OGFOD1: variants seen among roughly 807,000 people sequenced by gnomAD.
OGFOD1 encodes the protein prolyl 3-hydroxylase OGFOD1.
In OGFOD1, 54 loss-of-function variants were observed where a neutral mutation model predicts 67.7. That is an observed-to-expected ratio of 0.80 (90% confidence interval 0.64 to 1.00). OGFOD1 has a LOEUF of 1.00. OGFOD1 is among the 50% of genes least tolerant of loss of function. OGFOD1 has a pLI of 0.00. For missense variants in OGFOD1, 606 were observed against 646.7 expected (o/e 0.94, Z 0.68); for synonymous variants, 221 against 227.0 (o/e 0.97, Z 0.24).
At position 56,466,868 on chromosome 16, in the gene OGFOD1, T is replaced by C. The variant is rs374350905; in HGVS notation, c.566-8T>C. ...GATAATTTATTGATGTGTTCTTTCC[T>C]GGTGCAGAACACTTTCAGCCGAAGC... On this transcript the variant is annotated splice_polypyrimidine_tract_variant and splice_region_variant and intron_variant, in intron 5 of 12. Coordinates refer to ENST00000566157, the MANE Select transcript of OGFOD1 (RefSeq NM_018233.4). 1.9e-6 allele frequency: 3 copies of C among 1,597,822 alleles called. No homozygotes were observed. Among genetic ancestry groups the C allele is most frequent in the East Asian group, 2.2e-5 (1 of 44,800 alleles).
intron 10 of OGFOD1, among the ~76,000 whole-genome samples, chr16:56,473,968 A>C (rs573396143): frequency 6.6e-6 from 1 of 152,124 alleles, no homozygotes; most frequent in Admixed American, 6.5e-5. Context: ...CACCATGCTC[A>C]GCTAATATTT....
Position 56,476,422 on chromosome 16 carries a change from T to A in OGFOD1, c.*217T>A. On this transcript the variant is annotated 3_prime_UTR_variant, in exon 13 of 13. Coordinates refer to ENST00000566157, the MANE Select transcript of OGFOD1 (RefSeq NM_018233.4). ...TCTTGATTAAAAAAAAAAAGTTGGC[T>A]TTTTTTTTTTTAACATTTAGTCCTT... 3 of 168,398 alleles carry A rather than the reference T, an allele frequency of 1.8e-5. No homozygotes were observed. The highest frequency in any genetic ancestry group is 2.4e-5 in the Non-Finnish European group (2 of 82,912). The allele number at this position is 168,398 out of a possible 1,614,324, so 10.4% of individuals were successfully genotyped here. A position where few individuals can be genotyped will look rare whatever the true frequency, so the allele number is the denominator to read the frequency against.
intron 1 of OGFOD1, among the ~76,000 whole-genome samples, chr16:56,452,360 G>A (rs568907716): frequency 1.3e-5 from 2 of 152,266 alleles, no homozygotes; most frequent in East Asian, 3.9e-4. Context: ...TCGTCTCTAC[G>A]CGCCTGTAGT....
chr16:56,475,456 C>T (rs374019753), intron 11 of OGFOD1, 51 bp from the exon 12 acceptor site: 22 of 1,528,020 alleles, frequency 1.4e-5, no homozygotes, highest in African/African-American at 2.7e-5. Context: ...GTAGATGGTG[C>T]GACTCTTTCA....
At chr16:56,456,242 C>T (rs1482079759) in intron 2 of OGFOD1, among the ~76,000 whole-genome samples, 2 of 152,166 alleles carry the variant, frequency 1.3e-5, no homozygotes, top group Non-Finnish European at 2.9e-5. Flanking sequence ...TCTTCTTCCT[C>T]AGTGGCTATT....
chr16:56,469,922 G>T, intron 8 of OGFOD1, 81 bp from the exon 9 acceptor site: 2 of 1,018,828 alleles, frequency 2.0e-6, no homozygotes, highest in Non-Finnish European at 1.5e-6. Flanking sequence ...ATTGATGTTT[G>T]GCAGAGCTGC....
chr16:56,451,562 AG>A lies in OGFOD1; in HGVS notation c.-49del, dbSNP rs780497422. The A allele has an allele frequency of 2.9e-5, 46 of 1,601,566 alleles. No individual in the cohort carries two copies. The African/African-American group carries it at 5.9e-4, about 20-fold the overall frequency. Reference sequence around the variant, plus strand: ...ACATGCCGGGAGTTGCAGTACCCTCAGGAAGGTAGCGTCTTGATCTGCGTGG... The same window carrying A: ...ACATGCCGGGAGTTGCAGTACCCTCAGAAGGTAGCGTCTTGATCTGCGTGG... On this transcript the variant is annotated 5_prime_UTR_variant, in exon 1 of 13. Coordinates refer to ENST00000566157, the MANE Select transcript of OGFOD1 (RefSeq NM_018233.4).
At chr16:56,474,396 C>T (rs118121724) in intron 10 of OGFOD1, among the ~76,000 whole-genome samples, 8,569 of 149,232 alleles carry the variant, frequency 0.057, 342 homozygotes, top group Non-Finnish European at 0.083. Context: ...TCTCGGCTTA[C>T]CACAACCTCT....
At position 56,467,133 on chromosome 16, in the gene OGFOD1, G is replaced by A. The variant is rs141403576; in HGVS notation, c.658-32G>A. The A allele has an allele frequency of 7.3e-3, 11,825 of 1,613,798 alleles. 65 individuals carry two copies. Among genetic ancestry groups the A allele is most frequent in the Middle Eastern group, 0.012 (70 of 6,058 alleles). Reference sequence around the variant, plus strand: ...ATTGGCGGTAATCCCCCTATTCTTCGTGTTGATGTGCTACTGGGCTTCTCC... The same window carrying A: ...ATTGGCGGTAATCCCCCTATTCTTCATGTTGATGTGCTACTGGGCTTCTCC... On this transcript the variant is annotated intron_variant, in intron 6 of 12. Transcript: ENST00000566157.
At chr16:56,455,167 A>G (rs1962482957) in intron 2 of OGFOD1, among the ~76,000 whole-genome samples, 1 of 152,210 alleles carries the variant, frequency 6.6e-6, no homozygotes, top group Non-Finnish European at 1.5e-5. Context: ...GGAGATGGAG[A>G]CCATCCTGGC....
intron 3 of OGFOD1, among the ~76,000 whole-genome samples, chr16:56,459,519 A>G (rs1476886730): frequency 6.6e-6 from 1 of 152,236 alleles, no homozygotes; most frequent in East Asian, 1.9e-4. Context: ...ACCATTAAAT[A>G]TGATATACAT....
chr16:56,469,982 CTTT>C lies in OGFOD1; in HGVS notation c.901-20_901-18del. On this transcript the variant is annotated intron_variant, in intron 8 of 12. Transcript: ENST00000566157. The stretch of plus-strand genomic sequence containing the variant: ...TAATAGGGAGATCTGCTGAATGCTT[CTTT>C]ATTTGCTCATTTTCTAGCCTGAGAA... 6.3e-7 allele frequency: 1 copy of C among 1,593,200 alleles called. No individual in the cohort carries two copies. Among genetic ancestry groups the C allele is most frequent in the Non-Finnish European group, 8.6e-7 (1 of 1,163,360 alleles).
At chr16:56,455,915 A>C (rs1458271201) in intron 2 of OGFOD1, among the ~76,000 whole-genome samples, 1 of 152,158 alleles carries the variant, frequency 6.6e-6, no homozygotes, top group African/African-American at 2.4e-5. Flanking sequence ...TTCTTGACCT[A>C]AGTTTCCCTT....
At chr16:56,471,950 C>T (rs1473242666) in intron 10 of OGFOD1, among the ~76,000 whole-genome samples, 6 of 143,596 alleles carry the variant, frequency 4.2e-5, no homozygotes, top group Admixed American at 3.4e-4. Context: ...AACTTATCCA[C>T]TTCTGTTTGT....
chr16:56,454,688 AT>A (rs758081010), intron 2 of OGFOD1: 6,950 of 306,074 alleles, frequency 0.023, 1 homozygote, highest in South Asian at 0.038. Context: ...ATGAAGAATA[AT>A]TTTTTTTTTT....
intron 2 of OGFOD1, chr16:56,454,949 C>T (rs766806377): frequency 2.0e-5 from 4 of 201,218 alleles, no homozygotes; most frequent in Non-Finnish European, 4.2e-5. Flanking sequence ...AATTAAAAAC[C>T]GCAGTTACCT....
chr16:56,458,505 A>G, intron 2 of OGFOD1, 43 bp from the exon 3 acceptor site: 1 of 1,563,386 alleles, frequency 6.4e-7, no homozygotes. Context: ...TGTGTCTCTT[A>G]TGTGAAGGAA....
intron 12 of OGFOD1, 79 bp downstream of exon 12, chr16:56,475,644 CCTT>C: frequency 2.6e-6 from 3 of 1,160,964 alleles, no homozygotes; most frequent in Non-Finnish European, 3.9e-6. Flanking sequence ...ATTTTTATGA[CCTT>C]CTACCAGTGT....
At position 56,467,944 on chromosome 16, in the gene OGFOD1, G is replaced by A. The variant is rs1962974779; in HGVS notation, c.826G>A (p.Asp276Asn). The A allele has an allele frequency of 1.2e-6, 2 of 1,608,672 alleles. No individual in the cohort carries two copies. The highest frequency in any genetic ancestry group is 1.7e-6 in the Non-Finnish European group (2 of 1,175,260). The change falls in exon 8 of 13, where the codon GAC becomes AAC. Residue 276 changes from aspartate to asparagine, a missense_variant. Asp to Asn is a conservative substitution (Grantham distance 23, BLOSUM62 1). Coordinates refer to ENST00000566157, the MANE Select transcript of OGFOD1 (RefSeq NM_018233.4). ...LYDWINPTYL[D>N]MDYQVQIQEE... The stretch of plus-strand genomic sequence containing the variant: ...TGATTGGATCAACCCTACTTATCTG[G>A]ACATGGATTACCAAGTTCAAATTCA...
Sources: gnomAD v4.1 joint callset for allele counts (sites outside exome capture counted in the v4.1 genomes callset) on GRCh38, gnomAD v4.1.1 for gene constraint, MANE v1.5 for transcripts, NCBI Gene and HGNC (gene_info 2026-07-23, HGNC 2026-07-21) for gene names.